The following CCDC12 variants were observed in gnomAD, a reference collection of about 807,000 sequenced individuals.
CCDC12 encodes coiled-coil domain-containing protein 12.
Under a neutral mutation model 25.7 loss-of-function variants are expected in CCDC12, and 28 were observed. The ratio of observed to expected loss-of-function variants is 1.09; its 90% CI spans 0.81 to 1.50. CCDC12 has a LOEUF of 1.50. CCDC12 is among the 40% of genes most tolerant of loss of function. The pLI is 0.00. For missense variants in CCDC12, 198 were observed against 210.0 expected, an observed-to-expected ratio of 0.94 and a Z score of 0.35; for synonymous variants, 75 against 87.7, an observed-to-expected ratio of 0.86 and a Z score of 0.81.
chr3:46,931,753 C>T (rs2033225896), intron 2 of CCDC12, among the ~76,000 whole-genome samples: 2 of 152,200 alleles, frequency 1.3e-5, no homozygotes, highest in East Asian at 1.9e-4. Context: ...GTGAGGCACT[C>T]CTCCTAGTAA....
intron 1 of CCDC12, among the ~76,000 whole-genome samples, chr3:46,963,286 G>A (rs2034517548): frequency 6.6e-6 from 1 of 152,214 alleles, no homozygotes; most frequent in Non-Finnish European, 1.5e-5. Context: ...TTTTCTCTCT[G>A]TATAGTTTGT....
At chr3:46,956,203 A>G (rs541145709) in intron 1 of CCDC12, among the ~76,000 whole-genome samples, 1 of 152,376 alleles carries the variant, frequency 6.6e-6, no homozygotes, top group African/African-American at 2.4e-5. Flanking sequence ...AGGGCTGCAG[A>G]GGCCTCAGAT....
At chr3:46,949,058 A>C (rs1288406196) in intron 1 of CCDC12, among the ~76,000 whole-genome samples, 1 of 152,166 alleles carries the variant, frequency 6.6e-6, no homozygotes, top group Non-Finnish European at 1.5e-5. Context: ...GAGGTCAATG[A>C]CCAGACAGAA....
chr3:46,929,395 A>G (rs906463254), intron 2 of CCDC12, among the ~76,000 whole-genome samples: 1 of 152,206 alleles, frequency 6.6e-6, no homozygotes, highest in Non-Finnish European at 1.5e-5. Context: ...CTATCCTAGG[A>G]GCTCCCATAG....
chr3:46,952,665 G>C (rs2034164228), intron 1 of CCDC12, among the ~76,000 whole-genome samples: 1 of 152,188 alleles, frequency 6.6e-6, no homozygotes, highest in Admixed American at 6.5e-5. Flanking sequence ...ACTCTTCTCT[G>C]TTCTGCATGT....
intron 5 of CCDC12, chr3:46,922,522 T>G (rs2032728489): frequency 1.6e-6 from 1 of 607,542 alleles, no homozygotes; most frequent in Non-Finnish European, 2.9e-6. Context: ...GCAGGGGGAC[T>G]AGCATCACAA....
At chr3:46,926,757 G>A (rs1004992792) in intron 2 of CCDC12, among the ~76,000 whole-genome samples, 12 of 152,126 alleles carry the variant, frequency 7.9e-5, no homozygotes, top group African/African-American at 9.7e-5. Flanking sequence ...AGACTAGGCC[G>A]CAGGTCCTCC....
chr3:46,980,733 C>T (rs1237133380), upstream of CCDC12, among the ~76,000 whole-genome samples: 1 of 152,064 alleles, frequency 6.6e-6, no homozygotes, highest in Non-Finnish European at 1.5e-5. Context: ...CAGCTGAGAA[C>T]CTGGTATCAC....
intron 5 of CCDC12, 53 bp from the exon 6 acceptor site, chr3:46,922,365 C>A: frequency 6.3e-7 from 1 of 1,595,250 alleles, no homozygotes; most frequent in South Asian, 1.1e-5. Context: ...CCTGATGTGG[C>A]ATTGGGTCCC....
Position 46,921,903 on chromosome 3 carries a change from G to T in CCDC12, c.*154C>A. On this transcript the variant is annotated 3_prime_UTR_variant, in exon 7 of 7. Transcript: ENST00000683445. ...GCAGGGGCCACCCAGCAGACAAGGAGCTGACCTCATCCATGGGGGTTTCAG... is the reference window on the plus strand; with the variant it reads ...GCAGGGGCCACCCAGCAGACAAGGATCTGACCTCATCCATGGGGGTTTCAG... 1.3e-6 allele frequency: 1 copy of T among 744,046 alleles called. No homozygotes were observed. Among genetic ancestry groups the T allele is most frequent in the East Asian group, 2.7e-5 (1 of 37,112 alleles). The allele number at this position is 744,046 out of a possible 1,614,324, so 46.1% of individuals were successfully genotyped here.
At chr3:46,970,043 T>C (rs556376910) in intron 1 of CCDC12, among the ~76,000 whole-genome samples, 60 of 152,052 alleles carry the variant, frequency 3.9e-4, no homozygotes, top group Non-Finnish European at 7.4e-4. Context: ...TAGCTGGAAC[T>C]ATAAGTGCAC....
At chr3:46,974,909 C>T (rs930180776) in intron 1 of CCDC12, among the ~76,000 whole-genome samples, 2 of 152,182 alleles carry the variant, frequency 1.3e-5, no homozygotes, top group Non-Finnish European at 2.9e-5. Context: ...TGAATGTGTA[C>T]GGACTGTCAT....
intron 2 of CCDC12, among the ~76,000 whole-genome samples, chr3:46,938,989 C>T (rs1028701202): frequency 6.6e-6 from 1 of 152,178 alleles, no homozygotes; most frequent in Non-Finnish European, 1.5e-5. Flanking sequence ...TTGGCAGCAC[C>T]TGACACTGTA....
intron 1 of CCDC12, among the ~76,000 whole-genome samples, chr3:46,944,196 G>T (rs1339385689): frequency 6.6e-6 from 1 of 152,174 alleles, no homozygotes; most frequent in African/African-American, 2.4e-5. Flanking sequence ...AAAAGGAAAA[G>T]ATTTGTCCAA....
chr3:46,951,144 A>C (rs752214581), intron 1 of CCDC12, among the ~76,000 whole-genome samples: 14 of 152,298 alleles, frequency 9.2e-5, no homozygotes, highest in South Asian at 8.3e-4. Flanking sequence ...CAAAAAAATT[A>C]AAAATTAAAA....
intron 3 of CCDC12, 121 bp from the exon 4 acceptor site, chr3:46,923,789 T>C (rs766372101): frequency 2.5e-6 from 2 of 795,460 alleles, no homozygotes; most frequent in Non-Finnish European, 3.6e-6. Flanking sequence ...CCCACCTCTG[T>C]GTGGCCCGCA....
At chr3:46,933,917 C>T (rs1238455305) in intron 2 of CCDC12, among the ~76,000 whole-genome samples, 1 of 118,184 alleles carries the variant, frequency 8.5e-6, no homozygotes, top group African/African-American at 2.8e-5. Context: ...ATGTAAATAT[C>T]AATTGAAAAT....
intron 2 of CCDC12, among the ~76,000 whole-genome samples, chr3:46,939,756 G>A (rs1437279244): frequency 6.6e-6 from 1 of 152,170 alleles, no homozygotes; most frequent in Admixed American, 6.5e-5. Context: ...AGGGCTCTCA[G>A]GATGGTGTGA....
At chr3:46,973,884 T>C (rs527915590) in intron 1 of CCDC12, among the ~76,000 whole-genome samples, 1 of 152,238 alleles carries the variant, frequency 6.6e-6, no homozygotes, top group Non-Finnish European at 1.5e-5. Flanking sequence ...AGTGCTGGGA[T>C]TACAGGCGTG....
Sources: allele counts gnomAD v4.1 joint callset (sites outside exome capture counted in the v4.1 genomes callset), GRCh38; gene constraint gnomAD v4.1.1; transcripts MANE v1.5; gene names NCBI Gene and HGNC (gene_info 2026-07-23, HGNC 2026-07-21).